Variants in CTR9 observed in about 807,000 individuals in gnomAD.
CTR9 encodes RNA polymerase-associated protein CTR9 homolog.
Under a neutral mutation model 152.1 loss-of-function variants are expected in CTR9, and 41 were observed. The observed-to-expected ratio is 0.27, with a 90% CI of 0.21 to 0.35. The LOEUF (loss-of-function observed/expected upper bound fraction) is 0.35. CTR9 is among the 10% of genes least tolerant of loss of function. The probability of loss-of-function intolerance (pLI) is 1.00; values close to 1 mark genes in which losing one functional copy is unlikely to be tolerated. For missense variants in CTR9, 917 were observed against 1,424.4 expected, an observed-to-expected ratio of 0.64 and a Z score of 5.73; for synonymous variants, 476 against 496.2, an observed-to-expected ratio of 0.96 and a Z score of 0.54.
chr11:10,774,947 G>T (rs1863206842), intron 22 of CTR9, among the ~76,000 whole-genome samples: 1 of 152,182 alleles, frequency 6.6e-6, no homozygotes, highest in African/African-American at 2.4e-5. Context: ...ACTCTACCAA[G>T]TGCAAGATTC....
chr11:10,773,296 A>G (rs376862235), intron 21 of CTR9, 23 bp downstream of exon 21: 1 of 1,603,980 alleles, frequency 6.2e-7, no homozygotes, highest in South Asian at 1.1e-5. Flanking sequence ...TCCTGCTAGC[A>G]CAAGTGACCT....
chr11:10,758,605 G>T (rs1472685714), intron 5 of CTR9, among the ~76,000 whole-genome samples: 6 of 152,206 alleles, frequency 3.9e-5, no homozygotes, highest in Middle Eastern at 3.2e-3. Flanking sequence ...CATATAAGTT[G>T]TCAAATTAAG....
chr11:10,770,369 T>C (rs746762757), intron 17 of CTR9, 43 bp downstream of exon 17: 6 of 1,590,640 alleles, frequency 3.8e-6, no homozygotes, highest in Middle Eastern at 1.7e-4. Flanking sequence ...CTGTGCTACA[T>C]TGTATTTTTT....
At chr11:10,759,057 C>T (rs1413089133) in intron 5 of CTR9, among the ~76,000 whole-genome samples, 2 of 152,114 alleles carry the variant, frequency 1.3e-5, no homozygotes. Flanking sequence ...GTGAAGACAG[C>T]AGAAAGGCTG....
Position 10,778,932 on chromosome 11 carries a change from T to C in CTR9, c.3349T>C (p.Ser1117Pro), listed in dbSNP as rs755408433. The C allele has an allele frequency of 6.2e-7, 1 of 1,614,176 alleles. No homozygotes were observed. Among genetic ancestry groups the C allele is most frequent in the Admixed American group, 1.7e-5 (1 of 60,024 alleles). The stretch of plus-strand genomic sequence containing the variant: ...GTCAGGGAGAAGCCACTCAGGAGTT[T>C]CTGAGAACGACTCTCGCCCAGCTTC... Reference protein sequence around the residue: ...VQSGRSHSGVSENDSRPASPS... With the variant: ...VQSGRSHSGVPENDSRPASPS... The change falls in exon 25 of 25, where the codon TCT becomes CCT. Residue 1117 changes from serine to proline, a missense_variant. This residue lies in a region of CTR9 where 384 missense variants were observed against 398.4 expected (regional missense o/e 0.96). Coordinates refer to ENST00000361367, the MANE Select transcript of CTR9 (RefSeq NM_014633.5).
chr11:10,769,922 A>G (rs1326858001), intron 16 of CTR9, among the ~76,000 whole-genome samples: 1 of 152,214 alleles, frequency 6.6e-6, no homozygotes, highest in Non-Finnish European at 1.5e-5. Context: ...AAAAGTATGA[A>G]AAAGGCTTTC....
intron 6 of CTR9, 27 bp from the exon 7 acceptor site, chr11:10,761,920 C>G: frequency 6.9e-7 from 1 of 1,449,486 alleles, no homozygotes. Flanking sequence ...TGTTTTCACT[C>G]CACCTTGTTG....
rs1862795877 is a variant in CTR9, at chr11:10,751,311, G to A, written c.-102G>A. 7.8e-7 allele frequency: 1 copy of A among 1,282,704 alleles called. No individual in the cohort carries two copies. 79.5% of individuals were successfully genotyped at this position (1,282,704 alleles called of 1,614,324 possible). A position where few individuals can be genotyped will look rare whatever the true frequency, so the allele number is the denominator to read the frequency against. Reference sequence around the variant, plus strand: ...AGCGGCGCCGCGGGGCGGCAGTCAAGACCAGAGCCGGAGCCGTCACTCACC... The same window carrying A: ...AGCGGCGCCGCGGGGCGGCAGTCAAAACCAGAGCCGGAGCCGTCACTCACC... On this transcript the variant is annotated 5_prime_UTR_variant, in exon 1 of 25. Transcript: ENST00000361367.
chr11:10,755,630 G>C (rs954624977), intron 3 of CTR9, 48 bp from the exon 4 acceptor site: 1 of 1,204,148 alleles, frequency 8.3e-7, no homozygotes, highest in East Asian at 2.4e-5. Context: ...AGTGTTACAT[G>C]TTCATGGTAT....
intron 5 of CTR9, among the ~76,000 whole-genome samples, chr11:10,759,125 G>A (rs1289695719): frequency 6.6e-6 from 1 of 152,206 alleles, no homozygotes; most frequent in Admixed American, 6.5e-5. Flanking sequence ...GTATAAAGCT[G>A]TGAATGAGTG....
At position 10,755,228 on chromosome 11, in the gene CTR9, A is replaced by G. The variant is rs200397257; in HGVS notation, c.384+31A>G. The G allele has an allele frequency of 1.5e-5, 24 of 1,583,638 alleles. No homozygotes were observed. In the African/African-American group the frequency reaches 2.7e-4, roughly 18 times the overall value. ...AATAAAGTCAAATTTCTTTCCATTT[A>G]TGAAGGGAGAAAAGCACATGAAAGC... On this transcript the variant is annotated intron_variant, in intron 3 of 24. Transcript: ENST00000361367.
chr11:10,772,760 C>T (rs1863164712), intron 20 of CTR9, 105 bp downstream of exon 20: 3 of 1,184,172 alleles, frequency 2.5e-6, no homozygotes, highest in Non-Finnish European at 3.5e-6. Context: ...TGGCTGACAC[C>T]TCTAATTCCA....
At chr11:10,768,262 G>GTTGTTT in intron 15 of CTR9, 81 bp from the exon 16 acceptor site, 1 of 1,574,022 alleles carries the variant, frequency 6.4e-7, no homozygotes, top group Non-Finnish European at 8.7e-7. Context: ...GATCAATGTA[G>GTTGTTT]TTGTTTTAAA....
At position 10,778,840 on chromosome 11, in the gene CTR9, A is replaced by G. The variant is rs1863284057; in HGVS notation, c.3257A>G (p.Asp1086Gly). The G allele has an allele frequency of 1.9e-6, 3 of 1,614,258 alleles. No homozygotes were observed. Among genetic ancestry groups the G allele is most frequent in the Non-Finnish European group, 2.5e-6 (3 of 1,180,048 alleles). ...AGACAGCGGTCAGATCAGGACTCAG[A>G]CAGTGACCAGCCATCCAGAAAGAGA... ...PRRQRSDQDS[D>G]SDQPSRKRRP... The change falls in exon 25 of 25, where the codon GAC becomes GGC. Residue 1086 changes from aspartate (D) to glycine (G), a missense_variant. By Grantham distance (94) the Asp-to-Gly change is moderately conservative. This residue lies in a region of CTR9 where 384 missense variants were observed against 398.4 expected (regional missense o/e 0.96). Coordinates refer to ENST00000361367, the MANE Select transcript of CTR9 (RefSeq NM_014633.5).
intron 16 of CTR9, 152 bp downstream of exon 16, chr11:10,768,643 G>C (rs1039907015): frequency 2.6e-5 from 21 of 799,098 alleles, no homozygotes; most frequent in Non-Finnish European, 3.8e-5. Context: ...CTAAGGCCAG[G>C]CTTTGGTATC....
chr11:10,764,860 A>G (rs1222932446), intron 12 of CTR9, 129 bp downstream of exon 12: 5 of 825,774 alleles, frequency 6.1e-6, no homozygotes, highest in Non-Finnish European at 3.6e-6. Flanking sequence ...CCATTTCTCC[A>G]GGGCAAATTT....
At chr11:10,768,587 T>C in intron 16 of CTR9, 96 bp downstream of exon 16, 2 of 1,207,742 alleles carry the variant, frequency 1.7e-6, no homozygotes, top group Non-Finnish European at 2.3e-6. Context: ...CTGCATGCTA[T>C]CTCTTGTGAT....
chr11:10,770,134 A>C, intron 16 of CTR9, 76 bp from the exon 17 acceptor site: 1 of 1,025,478 alleles, frequency 9.8e-7, no homozygotes, highest in East Asian at 2.5e-5. Context: ...TTAAAATTGC[A>C]ATGCCATTTT....
chr11:10,766,157 A>G (rs1863056099), intron 12 of CTR9, among the ~76,000 whole-genome samples: 2 of 152,230 alleles, frequency 1.3e-5, no homozygotes, highest in Admixed American at 6.5e-5. Flanking sequence ...GACTTGGACC[A>G]GGGAACTAGC....
Sources: gnomAD v4.1 joint callset for allele counts (sites outside exome capture counted in the v4.1 genomes callset) on GRCh38, gnomAD v4.1.1 for gene constraint, gnomAD v4.1.1 regional missense constraint, MANE v1.5 for transcripts, NCBI Gene and HGNC (gene_info 2026-07-23, HGNC 2026-07-21) for gene names.